PNPLA7: variants seen among roughly 807,000 people sequenced by gnomAD.
PNPLA7 encodes patatin-like phospholipase domain-containing protein 7.
PNPLA7 carries 153 observed loss-of-function variants against 161.7 expected under a neutral mutation model. That is an observed-to-expected ratio of 0.95 (90% CI 0.83 to 1.08). The LOEUF (loss-of-function observed/expected upper bound fraction) is 1.08. Ranked by LOEUF, PNPLA7 falls within the 50% of genes least tolerant of loss-of-function variation. The pLI, the probability that PNPLA7 is intolerant of heterozygous loss-of-function variation, is 0.00. For missense variants in PNPLA7, 1,739 were observed against 1,856.6 expected (o/e 0.94, Z 1.16); for synonymous variants, 809 against 782.1 (o/e 1.03, Z -0.57).
rs761045441 is a variant in PNPLA7 at position 137,522,731 on chromosome 9, GCAC to G, written c.871_873del (p.Val291del). On this transcript the variant is annotated inframe_deletion, in exon 9 of 35. Transcript: ENST00000406427. ...AGTTGTCTGAAAAAGTGACTCACCTGCACCACCCTCACCAGAGTTTCCGGATAT... is the reference window on the plus strand; with the variant it reads ...AGTTGTCTGAAAAAGTGACTCACCTGCACCCTCACCAGAGTTTCCGGATAT... The G allele has an allele frequency of 3.7e-6, 6 of 1,613,218 alleles. No individual in the cohort carries two copies. The Admixed American group carries it at 1.0e-4, about 27-fold the overall frequency.
At chr9:137,473,604 T>TA in intron 25 of PNPLA7, among the ~76,000 whole-genome samples, 1 of 152,300 alleles carries the variant, frequency 6.6e-6, no homozygotes, top group East Asian at 1.9e-4. Flanking sequence ...TTCGATACAA[T>TA]AGTAAAAGAC....
In PNPLA7 at chr9:137,480,806, C is replaced by T. The variant is rs1335503493; in HGVS notation, c.2411+154G>A. ...GCAGGTCAGCGCTGCCCAGTGTGTC[C>T]AGTGAAGGGAGTCACGTCATCAGCC... On this transcript the variant is annotated intron_variant, in intron 22 of 34. Coordinates refer to ENST00000406427, the MANE Select transcript of PNPLA7 (RefSeq NM_001098537.3). 4.0e-5 allele frequency: 36 copies of T among 907,278 alleles called. 1 individual carries two copies. In the East Asian group the frequency reaches 8.8e-4, roughly 22 times the overall value. 56.2% of individuals were successfully genotyped at this position (907,278 alleles called of 1,614,324 possible).
At chr9:137,539,667 A>AAT (rs1836084340) in intron 8 of PNPLA7, among the ~76,000 whole-genome samples, 1 of 152,236 alleles carries the variant, frequency 6.6e-6, no homozygotes, top group Non-Finnish European at 1.5e-5. Flanking sequence ...CCTAAAAAAA[A>AAT]ATAATTCTAG....
Position 137,543,700 on chromosome 9 carries a change from T to C in PNPLA7, c.365+24A>G, listed in dbSNP as rs1412761669. 6.2e-7 allele frequency: 1 copy of C among 1,613,084 alleles called. No individual in the cohort carries two copies. The highest frequency in any genetic ancestry group is 2.2e-5 in the East Asian group (1 of 44,894). ...ACCATGGGGGGCACCTGGGGCAGGA[T>C]GTGGTCTGAAGGACACACAGTACCT... On this transcript the variant is annotated intron_variant, in intron 5 of 34. Transcript: ENST00000406427. This position sits in a 1 kb window ranked among gnomAD's most constrained non-coding sequence, Gnocchi z 6.9.
Position 137,467,352 on chromosome 9 carries a change from T to C in PNPLA7, c.3004A>G (p.Ser1002Gly). 6.2e-7 allele frequency: 1 copy of C among 1,613,604 alleles called. No homozygotes were observed. Among genetic ancestry groups the C allele is most frequent in the Non-Finnish European group, 8.5e-7 (1 of 1,179,966 alleles). Residue 1002 changes from serine to glycine, a missense_variant, in exon 26 of 35, where the codon AGC (serine) becomes GGC (glycine). By Grantham distance (56) the Ser-to-Gly change is moderately conservative (BLOSUM62 0). This residue lies in a region of PNPLA7 where 703 missense variants were observed against 694.6 expected (regional missense o/e 1.01). Coordinates refer to ENST00000406427, the MANE Select transcript of PNPLA7 (RefSeq NM_001098537.3). This position sits in a 1 kb window ranked among gnomAD's most constrained non-coding sequence, Gnocchi z 5.1. ...GALYSEERNY[S>G]QMRIRAKQWA... ...TGCTTGGCCCGGATCCGCATCTGGC[T>C]GTAGTTCCGCTCCTCAGAGTACAGG...
At chr9:137,528,189 C>T (rs1451526570) in intron 8 of PNPLA7, among the ~76,000 whole-genome samples, 1 of 152,164 alleles carries the variant, frequency 6.6e-6, no homozygotes, top group African/African-American at 2.4e-5. Flanking sequence ...CTTCCAAGAG[C>T]CAGCTTTTGG....
At chr9:137,502,937 G>A (rs1216997676) in intron 14 of PNPLA7, among the ~76,000 whole-genome samples, 3 of 151,838 alleles carry the variant, frequency 2.0e-5, no homozygotes, top group African/African-American at 4.8e-5. Flanking sequence ...TTCAAGGGGG[G>A]GCACCCGAAC....
intron 4 of PNPLA7, among the ~76,000 whole-genome samples, chr9:137,544,137 C>A (rs904736235): frequency 2.0e-5 from 3 of 152,222 alleles, no homozygotes; most frequent in South Asian, 2.1e-4. Context: ...CTGGTCAACA[C>A]AACCCTTTGC....
chr9:137,479,664 G>A lies in PNPLA7; in HGVS notation c.2581-426C>T, dbSNP rs138419352. 2.1e-3 allele frequency: 2,100 copies of A among 985,458 alleles called. 5 individuals are homozygous for A. Among genetic ancestry groups the A allele is most frequent in the Middle Eastern group, 7.8e-3 (15 of 1,914 alleles). The allele number at this position is 985,458 out of a possible 1,614,324, so 61.0% of individuals were successfully genotyped here. On this transcript the variant is annotated intron_variant, in intron 23 of 34. Coordinates refer to ENST00000406427, the MANE Select transcript of PNPLA7 (RefSeq NM_001098537.3). ...TGTGATGAGAACAGAGCAGGGAGCA[G>A]AGGAGGGAGACGGGAAATGCAAACT...
chr9:137,550,067 C>A, intron 1 of PNPLA7, 101 bp downstream of exon 1: 1 of 1,465,312 alleles, frequency 6.8e-7, no homozygotes. Flanking sequence ...AGCCACGGGG[C>A]CAAAGAGCGC....
At chr9:137,482,767 CT>C (rs1196178052) in intron 21 of PNPLA7, among the ~76,000 whole-genome samples, 1 of 152,250 alleles carries the variant, frequency 6.6e-6, no homozygotes, top group Non-Finnish European at 1.5e-5. Flanking sequence ...ATGTTACCCC[CT>C]AAGGCGCTGC....
chr9:137,538,358 A>G (rs1564365689), intron 8 of PNPLA7, among the ~76,000 whole-genome samples: 1 of 152,152 alleles, frequency 6.6e-6, no homozygotes, highest in East Asian at 1.9e-4. Flanking sequence ...TCTGCCGGGG[A>G]GCAGAGTGAG....
Position 137,461,592 on chromosome 9 carries a change from G to C in PNPLA7, c.3785C>G (p.Thr1262Arg). ...GCGAGACACAATTTCGGCAAGGTCC[G>C]TGAAGGAGGCGTTGGGACAGGTGAG... ...AVLTCPNASF[T>R]DLAEIVSRIE... The change falls in exon 33 of 35, where the codon ACG becomes AGG. Residue 1262 changes from threonine (T) to arginine (R), a missense_variant. Around this residue, in one of 6 missense-constraint regions of PNPLA7, gnomAD observed 703 missense variants for 694.6 expected, o/e 1.01. Coordinates refer to ENST00000406427, the MANE Select transcript of PNPLA7 (RefSeq NM_001098537.3). The C allele has an allele frequency of 6.2e-7, 1 of 1,612,756 alleles. No individual in the cohort carries two copies. Among genetic ancestry groups the C allele is most frequent in the Non-Finnish European group, 8.5e-7 (1 of 1,179,644 alleles).
chr9:137,521,730 C>A lies in PNPLA7; in HGVS notation c.877-14G>T. On this transcript the variant is annotated splice_polypyrimidine_tract_variant and intron_variant, in intron 9 of 34. Coordinates refer to ENST00000406427, the MANE Select transcript of PNPLA7 (RefSeq NM_001098537.3). ...CACCATGATGATCTGCAAGAACACGCCAGCTGCGCGGTGACCACCGGCCTG... is the reference window on the plus strand; with the variant it reads ...CACCATGATGATCTGCAAGAACACGACAGCTGCGCGGTGACCACCGGCCTG... 6.2e-7 allele frequency: 1 copy of A among 1,606,996 alleles called. No individual in the cohort carries two copies. The highest frequency in any genetic ancestry group is 8.5e-7 in the Non-Finnish European group (1 of 1,179,346).
intron 11 of PNPLA7, chr9:137,516,677 G>A (rs1043946903): frequency 7.3e-6 from 2 of 274,452 alleles, no homozygotes; most frequent in African/African-American, 4.6e-5. Context: ...AATGAGCTGG[G>A]CCTGGTGGCA....
chr9:137,502,692 CGGGGGG>C (rs1833519688), intron 14 of PNPLA7, among the ~76,000 whole-genome samples: 12 of 40,394 alleles, frequency 3.0e-4, no homozygotes, highest in Non-Finnish European at 4.3e-4. Context: ...ATGAGGGGGA[CGGGGGG>C]GACGCGGGGG....
chr9:137,542,912 T>A (rs1280563019), intron 6 of PNPLA7, 111 bp from the exon 7 acceptor site: 1 of 1,180,084 alleles, frequency 8.5e-7, no homozygotes, highest in Non-Finnish European at 1.2e-6. Context: ...GGCTTTGTGC[T>A]GTGGGTCCAC....
At chr9:137,506,382 G>A (rs1588633374) in intron 12 of PNPLA7, among the ~76,000 whole-genome samples, 1 of 152,220 alleles carries the variant, frequency 6.6e-6, no homozygotes, top group Admixed American at 6.5e-5. Flanking sequence ...ACCAGCCCTG[G>A]TCCTGAGCCA....
rs925777253 is a variant in PNPLA7, at chr9:137,498,298, G to T, written c.1758-53C>A. 40 of 1,595,996 alleles carry T rather than the reference G, an allele frequency of 2.5e-5. No individual in the cohort carries two copies. In the African/African-American group the frequency reaches 5.2e-4, roughly 21 times the overall value. On this transcript the variant is annotated intron_variant, in intron 16 of 34. Transcript: ENST00000406427. The stretch of plus-strand genomic sequence containing the variant: ...CCCCATCCCTCCAACCCTACCCTTC[G>T]CCCAGGGCCGCAGTGCTCGGGAATG...
Sources: gnomAD v4.1 joint callset for allele counts (sites outside exome capture counted in the v4.1 genomes callset) on GRCh38, gnomAD v4.1.1 for gene constraint, gnomAD v4.1.1 regional missense constraint, Gnocchi (gnomAD v3.1) non-coding constraint, MANE v1.5 for transcripts, NCBI Gene and HGNC (gene_info 2026-07-23, HGNC 2026-07-21) for gene names.